BTRC: variants seen among roughly 807,000 people sequenced by gnomAD.
BTRC encodes the protein F-box/WD repeat-containing protein 1A.
In BTRC, 42 loss-of-function variants were observed where a neutral mutation model predicts 85.5. The ratio of observed to expected loss-of-function variants is 0.49; its 90% CI spans 0.38 to 0.64. The LOEUF is 0.64. Ranked by LOEUF, BTRC falls within the 30% of genes least tolerant of loss-of-function variation. The probability of loss-of-function intolerance (pLI) is 0.00; values close to 1 mark genes in which losing one functional copy is unlikely to be tolerated. For synonymous variants in BTRC, 255 were observed against 263.3 expected (o/e 0.97, Z 0.30); for missense variants, 594 against 743.5 (o/e 0.80, Z 2.34).
At chr10:101,552,382 G>A (rs1356283896) in intron 14 of BTRC, among the ~76,000 whole-genome samples, 1 of 142,178 alleles carries the variant, frequency 7.0e-6, no homozygotes, top group Admixed American at 7.2e-5. Flanking sequence ...TTGGAGAGAT[G>A]GAGTTTCACC....
At chr10:101,463,941 G>A (rs1589502528) in intron 3 of BTRC, among the ~76,000 whole-genome samples, 1 of 88,702 alleles carries the variant, frequency 1.1e-5, no homozygotes, top group South Asian at 3.2e-4. Context: ...AATCATCCAG[G>A]AAGCTTTAAA....
chr10:101,445,772 C>T (rs1263669277), intron 2 of BTRC, among the ~76,000 whole-genome samples: 1 of 152,178 alleles, frequency 6.6e-6, no homozygotes, highest in Non-Finnish European at 1.5e-5. Context: ...GCAGAATTCC[C>T]CAGAGGCCTT....
intron 1 of BTRC, among the ~76,000 whole-genome samples, chr10:101,392,257 C>T (rs887600753): frequency 1.3e-5 from 2 of 152,176 alleles, no homozygotes; most frequent in African/African-American, 4.8e-5. Flanking sequence ...GGATTACAGG[C>T]ATGAGCCACT....
chr10:101,358,715 C>CT (rs1942114068), intron 1 of BTRC, among the ~76,000 whole-genome samples: 1 of 152,106 alleles, frequency 6.6e-6, no homozygotes, highest in Non-Finnish European at 1.5e-5. Flanking sequence ...CTTGGATTTC[C>CT]TTAAAGTGTG....
In BTRC at chr10:101,521,855, A is replaced by T. The variant is rs551753941; in HGVS notation, c.541A>T (p.Ile181Leu). Residue 181 changes from isoleucine to leucine, a missense_variant, in exon 5 of 15, where the codon ATA becomes TTA. Around this residue, in one of 4 missense-constraint regions of BTRC, gnomAD observed 373 missense variants for 503.6 expected, o/e 0.74. Transcript: ENST00000370187. Reference sequence around the variant, plus strand: ...TAAACCTATGTTGCAGAGAGATTTCATAACTGCTCTGCCAGGTATGTCTAC... The same window carrying T: ...TAAACCTATGTTGCAGAGAGATTTCTTAACTGCTCTGCCAGGTATGTCTAC... ...YLKPMLQRDFITALPARGLDH... is the reference protein window; with the variant it reads ...YLKPMLQRDFLTALPARGLDH... 1 of 1,610,892 alleles carries T rather than the reference A, an allele frequency of 6.2e-7. No individual in the cohort carries two copies. Among genetic ancestry groups the T allele is most frequent in the Non-Finnish European group, 8.5e-7 (1 of 1,177,046 alleles).
intron 3 of BTRC, among the ~76,000 whole-genome samples, chr10:101,469,553 A>G (rs913425922): frequency 2.6e-5 from 4 of 152,212 alleles, no homozygotes; most frequent in Non-Finnish European, 5.9e-5. Flanking sequence ...GAAAAATAGC[A>G]TGATACATTT....
chr10:101,539,175 C>A (rs1442234508), intron 13 of BTRC, among the ~76,000 whole-genome samples: 1 of 152,122 alleles, frequency 6.6e-6, no homozygotes, highest in Non-Finnish European at 1.5e-5. Flanking sequence ...CCCCATATAC[C>A]CCCTTTTGAC....
Position 101,464,826 on chromosome 10 carries a change from A to G in BTRC, c.234+2768A>G, listed in dbSNP as rs558036502. On this transcript the variant is annotated intron_variant, in intron 3 of 14. Coordinates refer to ENST00000370187, the MANE Select transcript of BTRC (RefSeq NM_033637.4). ...AGATTTGTAAATTTATTGCAGTGCC[A>G]TCTGGTTTTTTGCTCGAACCAGATT... Among the ~76,000 whole-genome samples the G allele has an allele frequency of 3.3e-5, 5 of 152,278 alleles. No homozygotes were observed. The East Asian group carries it at 9.7e-4, about 29-fold the overall frequency.
chr10:101,523,924 G>A (rs568452507), intron 5 of BTRC, among the ~76,000 whole-genome samples: 1 of 151,960 alleles, frequency 6.6e-6, no homozygotes, highest in South Asian at 2.1e-4. Context: ...TAATCTTGTA[G>A]GAATCCTAGG....
At chr10:101,521,514 T>C in intron 4 of BTRC, 125 bp from the exon 5 acceptor site, 2 of 682,456 alleles carry the variant, frequency 2.9e-6, no homozygotes, top group Non-Finnish European at 4.9e-6. Context: ...ACGTAATTGC[T>C]AATAGAATAA....
rs547058880 is a variant in BTRC at position 101,467,038 on chromosome 10, A to G, written c.234+4980A>G. Reference sequence around the variant, plus strand: ...AAATGACATTATAGTGTGTATTAACAAAACAACCACAACAACAAAAAGTCA... The same window carrying G: ...AAATGACATTATAGTGTGTATTAACGAAACAACCACAACAACAAAAAGTCA... On this transcript the variant is annotated intron_variant, in intron 3 of 14. Coordinates refer to ENST00000370187, the MANE Select transcript of BTRC (RefSeq NM_033637.4). Among the ~76,000 whole-genome samples the G allele has an allele frequency of 3.9e-5, 6 of 152,330 alleles. No homozygotes were observed. The East Asian group carries it at 1.2e-3, about 29-fold the overall frequency.
chr10:101,532,978 C>G lies in BTRC; in HGVS notation c.1005C>G (p.Cys335Trp). 6.2e-7 allele frequency: 1 copy of G among 1,612,796 alleles called. No individual in the cohort carries two copies. The highest frequency in any genetic ancestry group is 8.5e-7 in the Non-Finnish European group (1 of 1,179,240). ...IKIWDKNTLE[C>W]KRILTGHTGS... is the part of the protein sequence containing the mutation. ...TCTGGGATAAAAACACATTGGAATG[C>G]AAGCGAATTCTCACAGGCCATACAG... Residue 335 changes from cysteine to tryptophan, a missense_variant, in exon 9 of 15, where the codon TGC becomes TGG. Around this residue, in one of 4 missense-constraint regions of BTRC, gnomAD observed 373 missense variants for 503.6 expected, o/e 0.74. Transcript: ENST00000370187.
chr10:101,459,350 C>A (rs1235119432), intron 2 of BTRC, among the ~76,000 whole-genome samples: 2 of 152,146 alleles, frequency 1.3e-5, no homozygotes, highest in Admixed American at 1.3e-4. Context: ...TTACCCCTTA[C>A]CCTCAAGACT....
chr10:101,511,148 A>C (rs2061947601), intron 4 of BTRC, among the ~76,000 whole-genome samples: 2 of 152,194 alleles, frequency 1.3e-5, no homozygotes, highest in Admixed American at 6.5e-5. Flanking sequence ...AGAAGGCCTT[A>C]TGTGATCTTA....
chr10:101,385,269 A>T (rs1269388980), intron 1 of BTRC, among the ~76,000 whole-genome samples: 2 of 150,250 alleles, frequency 1.3e-5, no homozygotes, highest in Non-Finnish European at 3.0e-5. Context: ...CAGGAGGCTG[A>T]GGCAGGAGAA....
In BTRC at chr10:101,554,031, C is replaced by G. The variant is rs1419479599; in HGVS notation, c.*908C>G. ...TCTTCTCTCTCTTTCTTCCCCACAC[C>G]CAAGAGGAGGATTGGTGGTAGGGGG... On this transcript the variant is annotated 3_prime_UTR_variant, in exon 15 of 15. Coordinates refer to ENST00000370187, the MANE Select transcript of BTRC (RefSeq NM_033637.4). 1.3e-5 allele frequency: 2 copies of G among 152,100 alleles called. No homozygotes were observed. Among genetic ancestry groups the G allele is most frequent in the African/African-American group, 4.8e-5 (2 of 41,404 alleles). The allele number at this position is 152,100 out of a possible 1,614,324, so 9.4% of individuals were successfully genotyped here. A position where few individuals can be genotyped will look rare whatever the true frequency, so the allele number is the denominator to read the frequency against.
chr10:101,366,798 TTA>T lies in BTRC; in HGVS notation c.48+12580_48+12581del, dbSNP rs1261418355. ...TATATATATATATATATTTTTACAT[TTA>T]TATATATATTTATATATATTAATAT... is the stretch of plus-strand genomic sequence containing the variant. On this transcript the variant is annotated intron_variant, in intron 1 of 14. Coordinates refer to ENST00000370187, the MANE Select transcript of BTRC (RefSeq NM_033637.4). Among the ~76,000 whole-genome samples the T allele has an allele frequency of 3.5e-4, 31 of 87,790 alleles. 4 individuals are homozygous for T. The highest frequency in any genetic ancestry group is 1.1e-3 in the East Asian group (3 of 2,730). The allele number at this position is 87,790 out of a possible 152,430, so 57.6% of individuals were successfully genotyped here.
chr10:101,464,442 A>G (rs1307118714), intron 3 of BTRC, among the ~76,000 whole-genome samples: 1 of 152,134 alleles, frequency 6.6e-6, no homozygotes, highest in Non-Finnish European at 1.5e-5. Flanking sequence ...GTTGTGTGCA[A>G]TATTCGAAAG....
chr10:101,374,563 A>G (rs1294825088), intron 1 of BTRC, among the ~76,000 whole-genome samples: 2 of 141,974 alleles, frequency 1.4e-5, no homozygotes, highest in Non-Finnish European at 3.0e-5. Flanking sequence ...ATTCTCACTC[A>G]TAGGTGGGAA....
Sources: allele counts gnomAD v4.1 joint callset (sites outside exome capture counted in the v4.1 genomes callset), GRCh38; gene constraint gnomAD v4.1.1; regional missense constraint gnomAD v4.1.1; transcripts MANE v1.5; gene names NCBI Gene and HGNC (gene_info 2026-07-23, HGNC 2026-07-21).